Variants in DOCK4 observed in about 807,000 individuals in gnomAD.
DOCK4 encodes the protein dedicator of cytokinesis protein 4.
Under a neutral mutation model 268.1 loss-of-function variants are expected in DOCK4, and 97 were observed. That is an observed-to-expected ratio of 0.36 (90% CI 0.31 to 0.43). The LOEUF is 0.43. DOCK4 is among the 20% of genes least tolerant of loss of function. The probability of loss-of-function intolerance (pLI) is 1.00; values close to 1 mark genes in which losing one functional copy is unlikely to be tolerated. For missense variants in DOCK4, 2,145 were observed against 2,455.7 expected (o/e 0.87, Z 2.67); for synonymous variants, 954 against 887.2 (o/e 1.08, Z -1.34).
chr7:112,156,322 A>C (rs2217262), intron 1 of DOCK4, among the ~76,000 whole-genome samples: 11,175 of 152,298 alleles, frequency 0.073, 478 homozygotes, highest in Admixed American at 0.13. Context: ...GCCAATTATG[A>C]GATATAATTT....
intron 16 of DOCK4, among the ~76,000 whole-genome samples, chr7:111,892,590 C>A (rs2134359689): frequency 6.6e-6 from 1 of 152,204 alleles, no homozygotes; most frequent in East Asian, 1.9e-4. Context: ...CCCTAATACC[C>A]ATTTTATTTA....
intron 1 of DOCK4, among the ~76,000 whole-genome samples, chr7:112,198,792 T>C (rs188247672): frequency 7.8e-4 from 119 of 152,364 alleles, no homozygotes; most frequent in African/African-American, 2.5e-3. Context: ...GCTCTAATCA[T>C]AGTCTATATT....
chr7:111,878,565 C>T (rs1051192930), intron 16 of DOCK4, among the ~76,000 whole-genome samples: 1 of 152,208 alleles, frequency 6.6e-6, no homozygotes, highest in African/African-American at 2.4e-5. Context: ...GCAGAAGAGA[C>T]AGTTCTGAAT....
intron 26 of DOCK4, among the ~76,000 whole-genome samples, chr7:111,825,406 G>T (rs1426710274): frequency 6.7e-6 from 1 of 148,664 alleles, no homozygotes; most frequent in Non-Finnish European, 1.5e-5. Flanking sequence ...AAAATACAGT[G>T]GTATTTCCTT....
At chr7:112,110,765 C>T (rs1811577483) in intron 1 of DOCK4, among the ~76,000 whole-genome samples, 1 of 152,316 alleles carries the variant, frequency 6.6e-6, no homozygotes, top group South Asian at 2.1e-4. Context: ...CCTTCAGACA[C>T]TTCCAGTATA....
At chr7:112,189,722 GTTTTTATTCTCTGTCTGGGTTTTGTT>G in intron 1 of DOCK4, among the ~76,000 whole-genome samples, 1 of 118,022 alleles carries the variant, frequency 8.5e-6, no homozygotes, top group Non-Finnish European at 1.9e-5. Context: ...TAGCCTTCTT[GTTTTTATTCTCTGTCTGGGTTTTGTT>G]TTTTTTTTTT....
intron 1 of DOCK4, among the ~76,000 whole-genome samples, chr7:112,201,829 A>T (rs1820963014): frequency 6.6e-6 from 1 of 152,118 alleles, no homozygotes; most frequent in African/African-American, 2.4e-5. Context: ...TTTGATCATC[A>T]TCTCCACTTT....
At chr7:112,073,332 C>T (rs2135680176) in intron 1 of DOCK4, among the ~76,000 whole-genome samples, 1 of 152,092 alleles carries the variant, frequency 6.6e-6, no homozygotes, top group African/African-American at 2.4e-5. Flanking sequence ...AAAGGAATAC[C>T]TGCATCCCCA....
At chr7:112,055,159 T>C (rs1805701857) in intron 1 of DOCK4, among the ~76,000 whole-genome samples, 1 of 152,336 alleles carries the variant, frequency 6.6e-6, no homozygotes, top group South Asian at 2.1e-4. Context: ...TCCTGCAGCA[T>C]ATTTTCTGGT....
Position 112,004,276 on chromosome 7 carries a change from T to C in DOCK4, c.38-145A>G, listed in dbSNP as rs894646627. The C allele has an allele frequency of 6.7e-6, 4 of 599,544 alleles. No individual in the cohort carries two copies. The African/African-American group carries it at 7.5e-5, about 11-fold the overall frequency. The allele number at this position is 599,544 out of a possible 1,614,324, so 37.1% of individuals were successfully genotyped here. ...CTGTCATATTTTAATTTTATATCTT[T>C]CTAAGAAAATCACTAAGTTCACATA... On this transcript the variant is annotated intron_variant, in intron 1 of 52. Coordinates refer to ENST00000428084, the MANE Select transcript of DOCK4 (RefSeq NM_001363540.2).
chr7:112,090,093 C>T (rs1375923986), intron 1 of DOCK4, among the ~76,000 whole-genome samples: 1 of 152,076 alleles, frequency 6.6e-6, no homozygotes, highest in African/African-American at 2.4e-5. Context: ...AGGATAAGCC[C>T]CTGGAACTTC....
chr7:111,992,037 G>A (rs1212850261), intron 5 of DOCK4, among the ~76,000 whole-genome samples: 1 of 150,936 alleles, frequency 6.6e-6, no homozygotes. Context: ...TCCAGCTCAG[G>A]GACAGGACAA....
At chr7:112,158,284 T>C (rs1310532657) in intron 1 of DOCK4, among the ~76,000 whole-genome samples, 4 of 152,234 alleles carry the variant, frequency 2.6e-5, no homozygotes, top group South Asian at 4.1e-4. Context: ...GTACTACTCA[T>C]GGTCTTACTT....
chr7:112,181,709 G>A (rs953394238), intron 1 of DOCK4, among the ~76,000 whole-genome samples: 3 of 147,974 alleles, frequency 2.0e-5, no homozygotes, highest in African/African-American at 5.0e-5. Flanking sequence ...AGTATGATAC[G>A]TTCCCACTGT....
chr7:112,044,554 G>A (rs1305497394), intron 1 of DOCK4, among the ~76,000 whole-genome samples: 1 of 152,064 alleles, frequency 6.6e-6, no homozygotes, highest in Non-Finnish European at 1.5e-5. Context: ...AAATCCAAGT[G>A]TCTACTTGAC....
At position 112,202,438 on chromosome 7, in the gene DOCK4, T is replaced by C. The variant is rs779834615; in HGVS notation, c.37+3664A>G. On this transcript the variant is annotated intron_variant, in intron 1 of 52. Transcript: ENST00000428084. Reference sequence around the variant, plus strand: ...AGATACAATAAATAACAATGCATTGTATACTTCAAAAGTGCTAGAATGGAT... The same window carrying C: ...AGATACAATAAATAACAATGCATTGCATACTTCAAAAGTGCTAGAATGGAT... Among the ~76,000 whole-genome samples, 29 of 152,340 alleles carry C rather than the reference T, an allele frequency of 1.9e-4. No individual in the cohort carries two copies. In the South Asian group the frequency reaches 2.1e-3, roughly 11 times the overall value.
intron 30 of DOCK4, 137 bp downstream of exon 30, chr7:111,808,684 T>C (rs1201799181): frequency 3.6e-6 from 3 of 830,016 alleles, no homozygotes; most frequent in South Asian, 2.1e-5. Flanking sequence ...AAGTGTCAAT[T>C]ACTTTCTATA....
chr7:112,067,230 A>C (rs1488085106), intron 1 of DOCK4, among the ~76,000 whole-genome samples: 4 of 147,304 alleles, frequency 2.7e-5, no homozygotes, highest in South Asian at 2.1e-4. Context: ...AGAAAAAAAA[A>C]ACACCTTTAC....
chr7:111,846,910 C>T, intron 24 of DOCK4, 89 bp downstream of exon 24: 1 of 1,436,054 alleles, frequency 7.0e-7, no homozygotes, highest in African/African-American at 1.4e-5. Flanking sequence ...GAGGCTTCCT[C>T]TTTAGTGCGG....
Sources: allele counts gnomAD v4.1 joint callset (sites outside exome capture counted in the v4.1 genomes callset), GRCh38; gene constraint gnomAD v4.1.1; transcripts MANE v1.5; gene names NCBI Gene and HGNC (gene_info 2026-07-23, HGNC 2026-07-21).